The following ANAPC16 variants were observed in gnomAD, a reference collection of about 807,000 sequenced individuals.
The protein encoded by ANAPC16 is anaphase-promoting complex subunit 16.
A neutral mutation model predicts 13.1 loss-of-function variants in ANAPC16; 6 were observed. That is an observed-to-expected ratio of 0.46 (90% CI 0.25 to 0.90). The LOEUF (loss-of-function observed/expected upper bound fraction) is 0.90. Among genes scored for constraint, ANAPC16 ranks in the 40% least tolerant of loss-of-function variants. The pLI is 0.18. For missense variants in ANAPC16, 113 were observed against 131.1 expected, an observed-to-expected ratio of 0.86 and a Z score of 0.67; for synonymous variants, 55 against 51.3, an observed-to-expected ratio of 1.07 and a Z score of -0.31.
Position 72,223,902 on chromosome 10 carries a change from T to G in ANAPC16, c.-13T>G. On this transcript the variant is annotated 5_prime_UTR_variant, in exon 2 of 4. Transcript: ENST00000299381. ...TTTCTCTGTAGTGAAGTAAGAACTC[T>G]GCTAGAGAGGAAATGGCTGCTTCAT... is the stretch of plus-strand genomic sequence containing the variant. 6.3e-7 allele frequency: 1 copy of G among 1,589,040 alleles called. No individual in the cohort carries two copies. Among genetic ancestry groups the G allele is most frequent in the Non-Finnish European group, 8.6e-7 (1 of 1,162,458 alleles).
At chr10:72,217,336 G>T (rs1246759312) in intron 1 of ANAPC16, among the ~76,000 whole-genome samples, 2 of 152,048 alleles carry the variant, frequency 1.3e-5, no homozygotes, top group Admixed American at 6.6e-5. Context: ...TTAGCCGGGT[G>T]TGGTGGCGGG....
intron 1 of ANAPC16, chr10:72,216,889 CGGTGGGCCT>C: frequency 2.2e-6 from 1 of 456,132 alleles, no homozygotes; most frequent in South Asian, 1.5e-5. Context: ...TGGGCACCTC[CGGTGGGCCT>C]GGCAAACTGG....
At chr10:72,223,696 A>G (rs1232400768) in intron 1 of ANAPC16, 192 bp from the exon 2 acceptor site, 1 of 419,562 alleles carries the variant, frequency 2.4e-6, no homozygotes, top group African/African-American at 2.0e-5. Flanking sequence ...ATTCTTAAGC[A>G]TATTTTCAGT....
chr10:72,219,553 T>C (rs1181160373), intron 1 of ANAPC16, among the ~76,000 whole-genome samples: 7 of 152,000 alleles, frequency 4.6e-5, no homozygotes, highest in Non-Finnish European at 8.8e-5. Flanking sequence ...CTGAGCAACA[T>C]AGTGAGACTT....
chr10:72,225,322 G>A (rs1162610826), intron 2 of ANAPC16, among the ~76,000 whole-genome samples: 1 of 151,288 alleles, frequency 6.6e-6, no homozygotes, highest in Non-Finnish European at 1.5e-5. Flanking sequence ...GCATATTTCT[G>A]GGCCCACCTT....
rs201885589 is a variant in ANAPC16, at chr10:72,230,460, G to C, written c.217+20G>C. 1 of 1,602,986 alleles carries C rather than the reference G, an allele frequency of 6.2e-7. No homozygotes were observed. The stretch of plus-strand genomic sequence containing the variant: ...AACATGGTAAGCACATGAGTGTTGC[G>C]TACTTGACTGTGAGAATAAATTTGC... On this transcript the variant is annotated intron_variant, in intron 3 of 3. Coordinates refer to ENST00000299381, the MANE Select transcript of ANAPC16 (RefSeq NM_173473.4).
At chr10:72,230,576 A>G in intron 3 of ANAPC16, 136 bp downstream of exon 3, 1 of 717,504 alleles carries the variant, frequency 1.4e-6, no homozygotes, top group East Asian at 2.7e-5. Context: ...CTAGGTCTTA[A>G]TCTAGTCATA....
chr10:72,217,367 C>T (rs1310197222), intron 1 of ANAPC16, among the ~76,000 whole-genome samples: 1 of 150,084 alleles, frequency 6.7e-6, no homozygotes, highest in African/African-American at 2.5e-5. Flanking sequence ...CCCAGCTACT[C>T]GGGAGGCTGA....
chr10:72,223,845 C>T (rs1860030463), intron 1 of ANAPC16, 43 bp from the exon 2 acceptor site: 5 of 1,398,702 alleles, frequency 3.6e-6, no homozygotes, highest in Non-Finnish European at 4.8e-6. Context: ...TTGTCACTCT[C>T]ACTTCCATAA....
Position 72,234,860 on chromosome 10 carries a change from C to G in ANAPC16, c.*1744C>G, listed in dbSNP as rs1860425442. 1 of 152,132 alleles carries G rather than the reference C, an allele frequency of 6.6e-6. No homozygotes were observed. The highest frequency in any genetic ancestry group is 2.4e-5 in the African/African-American group (1 of 41,426). The allele number at this position is 152,132 out of a possible 1,614,324, so 9.4% of individuals were successfully genotyped here. On this transcript the variant is annotated 3_prime_UTR_variant, in exon 4 of 4. Transcript: ENST00000299381. Reference sequence around the variant, plus strand: ...ATTCATCTCATTATTGCCTCTAAAGCAAATTGGAGACTGGGCACAGTGGCT... The same window carrying G: ...ATTCATCTCATTATTGCCTCTAAAGGAAATTGGAGACTGGGCACAGTGGCT...
intron 1 of ANAPC16, among the ~76,000 whole-genome samples, chr10:72,221,596 A>C (rs1434593327): frequency 7.9e-6 from 1 of 127,022 alleles, no homozygotes; most frequent in Non-Finnish European, 1.6e-5. Flanking sequence ...TCTGTCACCC[A>C]GACTGGAGTG....
intron 2 of ANAPC16, among the ~76,000 whole-genome samples, chr10:72,227,614 G>A (rs1860162623): frequency 6.6e-6 from 1 of 152,024 alleles, no homozygotes; most frequent in South Asian, 2.1e-4. Flanking sequence ...AAATTGAGAA[G>A]AGTACTCTGA....
chr10:72,220,325 C>CAAAAAAAAAAAAAAAAA (rs75738117), intron 1 of ANAPC16: 8 of 63,700 alleles, frequency 1.3e-4, no homozygotes, highest in African/African-American at 3.2e-4. Flanking sequence ...AACTCCGTCT[C>CAAAAAAAAAAAAAAAAA]AAAAAAAAAA....
intron 2 of ANAPC16, among the ~76,000 whole-genome samples, chr10:72,227,286 TTAGTC>T (rs1050927858): frequency 6.6e-6 from 1 of 152,142 alleles, no homozygotes; most frequent in African/African-American, 2.4e-5. Flanking sequence ...GCTTCTGAGA[TTAGTC>T]TGAATGTTGA....
intron 2 of ANAPC16, among the ~76,000 whole-genome samples, chr10:72,228,029 TAA>T (rs79285694): frequency 3.1e-4 from 39 of 124,546 alleles, no homozygotes; most frequent in Admixed American, 3.8e-4. Flanking sequence ...AGACTTGGTT[TAA>T]AAAAAAAAAA....
intron 1 of ANAPC16, chr10:72,217,000 C>T (rs755764562): frequency 2.4e-5 from 11 of 454,984 alleles, no homozygotes; most frequent in African/African-American, 2.0e-4. Context: ...TTCTCTATCT[C>T]CTGCATGACC....
intron 2 of ANAPC16, among the ~76,000 whole-genome samples, chr10:72,227,066 A>G (rs1860144395): frequency 6.6e-6 from 1 of 152,216 alleles, no homozygotes; most frequent in Admixed American, 6.5e-5. Context: ...GTTTCCCACA[A>G]AACAAATCAA....
At chr10:72,217,293 T>C (rs1330721244) in intron 1 of ANAPC16, among the ~76,000 whole-genome samples, 2 of 151,736 alleles carry the variant, frequency 1.3e-5, no homozygotes, top group Non-Finnish European at 2.9e-5. Context: ...GCTAACACGG[T>C]GAAACCCCGT....
At chr10:72,227,111 A>T (rs140926654) in intron 2 of ANAPC16, among the ~76,000 whole-genome samples, 68 of 152,374 alleles carry the variant, frequency 4.5e-4, no homozygotes, top group African/African-American at 1.6e-3. Flanking sequence ...AATGAGTTTT[A>T]TAGCAGCAGA....
Sources: gnomAD v4.1 joint callset for allele counts (sites outside exome capture counted in the v4.1 genomes callset) on GRCh38, gnomAD v4.1.1 for gene constraint, MANE v1.5 for transcripts, NCBI Gene and HGNC (gene_info 2026-07-23, HGNC 2026-07-21) for gene names.